The following SART3 variants were observed in gnomAD, a reference collection of about 807,000 sequenced individuals.
SART3 encodes spliceosome associated factor 3, U4/U6 recycling protein.
Under a neutral mutation model 122.3 loss-of-function variants are expected in SART3, and 44 were observed. The observed-to-expected ratio is 0.36, with a 90% CI of 0.28 to 0.46. SART3 has a LOEUF of 0.46. Among genes scored for constraint, SART3 ranks in the 20% least tolerant of loss-of-function variants. SART3 has a pLI of 1.00. For missense variants in SART3, 1,101 were observed against 1,229.0 expected, an observed-to-expected ratio of 0.90 and a Z score of 1.56; for synonymous variants, 442 against 454.0, an observed-to-expected ratio of 0.97 and a Z score of 0.34.
chr12:108,545,794 C>T (rs1184695950), intron 3 of SART3, among the ~76,000 whole-genome samples: 4 of 151,974 alleles, frequency 2.6e-5, no homozygotes, highest in Non-Finnish European at 5.9e-5. Flanking sequence ...GGTGAAACCC[C>T]GTCTCTACTA....
At position 108,523,548 on chromosome 12, in the gene SART3, G is replaced by C; in HGVS notation, c.2801C>G (p.Pro934Arg). 6.2e-7 allele frequency: 1 copy of C among 1,614,050 alleles called. No homozygotes were observed. Among genetic ancestry groups the C allele is most frequent in the Non-Finnish European group, 8.5e-7 (1 of 1,180,018 alleles). ...SAAAPQAENG[P>R]AAAPAVAAPA... is the part of the protein sequence containing the mutation. ...GGCGGCAACTGCAGGAGCCGCGGCA[G>C]GGCCGTTCTCAGCCTGAGGAGCTGC... The change falls in exon 19 of 19, where the codon CCT (proline) becomes CGT (arginine). Residue 934 changes from proline to arginine, a missense_variant. This residue lies in a region of SART3 where 885 missense variants were observed against 1,080.1 expected (regional missense o/e 0.82). Transcript: ENST00000546815.
chr12:108,534,197 T>C (rs1872800942), intron 12 of SART3, among the ~76,000 whole-genome samples: 1 of 152,162 alleles, frequency 6.6e-6, no homozygotes, highest in African/African-American at 2.4e-5. Flanking sequence ...TAAATTAAAA[T>C]GTTTTTTAGA....
At position 108,545,244 on chromosome 12, in the gene SART3, G is replaced by A. The variant is rs549764051; in HGVS notation, c.624C>T (p.Ser208=). ...GQKGGLEKVR[S]VFERALSSVG... ...CAGACGAGAGAGCCCTTTCAAACAC[G>A]GAGCGAACTTTCTCAAGGCCACCTT... Residue 208 remains serine, a synonymous_variant, in exon 4 of 19, where the codon TCC becomes TCT. Transcript: ENST00000546815. 42 of 1,614,062 alleles carry A rather than the reference G, an allele frequency of 2.6e-5. No homozygotes were observed. The highest frequency in any genetic ancestry group is 1.5e-4 in the Admixed American group (9 of 60,006).
intron 1 of SART3, chr12:108,553,947 A>T (rs1454515303): frequency 6.6e-6 from 1 of 152,170 alleles, no homozygotes; most frequent in East Asian, 1.9e-4. Context: ...CTCTCCAGCT[A>T]CATCTCAAAC....
chr12:108,555,711 A>G (rs2030192261), intron 1 of SART3, among the ~76,000 whole-genome samples: 1 of 152,176 alleles, frequency 6.6e-6, no homozygotes, highest in Non-Finnish European at 1.5e-5. Context: ...AGTTATATGC[A>G]TGTTCTGGGT....
intron 13 of SART3, 141 bp from the exon 14 acceptor site, chr12:108,531,421 A>G (rs1872673121): frequency 1.4e-6 from 1 of 690,338 alleles, no homozygotes; most frequent in Non-Finnish European, 2.6e-6. Context: ...GTAGGCTTGA[A>G]GTTCAGAATT....
Position 108,548,951 on chromosome 12 carries a change from ACT to A in SART3, c.439+135_439+136del, listed in dbSNP as rs1456313647. 19 of 1,306,950 alleles carry A rather than the reference ACT, an allele frequency of 1.5e-5. No homozygotes were observed. In the East Asian group the frequency reaches 4.4e-4, roughly 31 times the overall value. 81.0% of individuals were successfully genotyped at this position (1,306,950 alleles called of 1,614,324 possible). Reference sequence around the variant, plus strand: ...AACTACAATAAACTAAAAATAGCTAACTCTGATGCGTTTTCTTCTTTCCACTA... The same window carrying A: ...AACTACAATAAACTAAAAATAGCTAACTGATGCGTTTTCTTCTTTCCACTA... On this transcript the variant is annotated intron_variant, in intron 2 of 18. Transcript: ENST00000546815.
chr12:108,536,381 A>G (rs1472661928), intron 11 of SART3, 133 bp downstream of exon 11: 7 of 870,246 alleles, frequency 8.0e-6, no homozygotes, highest in Non-Finnish European at 1.4e-5. Context: ...CTAGACCATT[A>G]CCTAGGTAAT....
Position 108,545,391 on chromosome 12 carries a change from A to C in SART3, c.545-68T>G, listed in dbSNP as rs990555864. ...CCAAATATCAAAACTGATGCATAAC[A>C]AACGAAATGTGCCTACCAAAAAAGT... is the stretch of plus-strand genomic sequence containing the variant. On this transcript the variant is annotated intron_variant, in intron 3 of 18. Coordinates refer to ENST00000546815, the MANE Select transcript of SART3 (RefSeq NM_014706.4). 8.6e-6 allele frequency: 13 copies of C among 1,505,862 alleles called. No individual in the cohort carries two copies. The Admixed American group carries it at 1.7e-4, about 20-fold the overall frequency. The allele number at this position is 1,505,862 out of a possible 1,614,324, so 93.3% of individuals were successfully genotyped here.
chr12:108,535,393 C>A lies in SART3; in HGVS notation c.1522G>T (p.Ala508Ser), dbSNP rs1355936115. 1 of 1,613,996 alleles carries A rather than the reference C, an allele frequency of 6.2e-7. No individual in the cohort carries two copies. Among genetic ancestry groups the A allele is most frequent in the South Asian group, 1.1e-5 (1 of 91,078 alleles). The change falls in exon 12 of 19, where the codon GCC becomes TCC. Residue 508 changes from alanine to serine, a missense_variant. This residue lies in a region of SART3 where 885 missense variants were observed against 1,080.1 expected (regional missense o/e 0.82). Transcript: ENST00000546815. ...TTGTAATACTCTAGCCACATGTTGG[C>A]GTACTTGGCATTTCCTCTGGTCATG... is the stretch of plus-strand genomic sequence containing the variant. ...SIMTRGNAKY[A>S]NMWLEYYNLE...
intron 1 of SART3, among the ~76,000 whole-genome samples, chr12:108,553,847 T>C (rs1392219980): frequency 2.6e-5 from 4 of 152,220 alleles, no homozygotes; most frequent in African/African-American, 9.6e-5. Flanking sequence ...CTACTAATTA[T>C]AATAGTAAAA....
chr12:108,555,482 G>A lies in SART3; in HGVS notation c.312+5361C>T, dbSNP rs1002145039. ...GAATTCAAGACCAGCCTGGGCAACA[G>A]GGCAAAACCCCGTCTCTACAAAAAC... On this transcript the variant is annotated intron_variant, in intron 1 of 18. Coordinates refer to ENST00000546815, the MANE Select transcript of SART3 (RefSeq NM_014706.4). Among the ~76,000 whole-genome samples the A allele has an allele frequency of 4.9e-4, 75 of 152,116 alleles. 1 individual carries two copies. The highest frequency in any genetic ancestry group is 3.8e-3 in the Admixed American group (58 of 15,270).
intron 1 of SART3, among the ~76,000 whole-genome samples, chr12:108,556,816 C>G (rs1260676981): frequency 6.6e-6 from 1 of 152,236 alleles, no homozygotes; most frequent in Non-Finnish European, 1.5e-5. Flanking sequence ...ACATTCAAGG[C>G]TCTCCCCACC....
At chr12:108,525,775 C>A in intron 16 of SART3, 166 bp from the exon 17 acceptor site, 1 of 696,490 alleles carries the variant, frequency 1.4e-6, no homozygotes, top group Admixed American at 2.2e-5. Flanking sequence ...AGTCACTTAA[C>A]CTCTCCAGGC....
At chr12:108,534,594 T>G (rs1872824773) in intron 12 of SART3, among the ~76,000 whole-genome samples, 1 of 151,746 alleles carries the variant, frequency 6.6e-6, no homozygotes, top group South Asian at 2.1e-4. Flanking sequence ...GCAGAAGAAT[T>G]GCTCGAACCC....
intron 1 of SART3, among the ~76,000 whole-genome samples, chr12:108,549,794 T>C (rs755525312): frequency 1.3e-5 from 2 of 152,006 alleles, no homozygotes; most frequent in South Asian, 2.1e-4. Flanking sequence ...GGCAGGTGGA[T>C]TGCTTGAGCT....
chr12:108,541,339 C>CG (rs1357030499), intron 6 of SART3, among the ~76,000 whole-genome samples: 1 of 151,378 alleles, frequency 6.6e-6, no homozygotes. Context: ...CCTGGCGGGG[C>CG]GGAAGTTGCA....
rs1013121437 is a variant in SART3 at position 108,544,843 on chromosome 12, G to C, written c.729+296C>G. 1.4e-5 allele frequency: 8 copies of C among 570,100 alleles called. No homozygotes were observed. The East Asian group carries it at 2.4e-4, about 17-fold the overall frequency. 35.3% of individuals were successfully genotyped at this position (570,100 alleles called of 1,614,324 possible). A position where few individuals can be genotyped will look rare whatever the true frequency, so the allele number is the denominator to read the frequency against. ...GCCTCCCAAACTGCTGGAATTACAA[G>C]CATGAGCCACCGCACTTGGCCAACT... On this transcript the variant is annotated intron_variant, in intron 4 of 18. Transcript: ENST00000546815.
At chr12:108,532,592 C>T (rs565831748) in intron 12 of SART3, 63 of 430,408 alleles carry the variant, frequency 1.5e-4, no homozygotes, top group South Asian at 1.2e-3. Context: ...TGATCTGCAA[C>T]CAGCATTCTG....
Sources: gnomAD v4.1 joint callset for allele counts (sites outside exome capture counted in the v4.1 genomes callset) on GRCh38, gnomAD v4.1.1 for gene constraint, gnomAD v4.1.1 regional missense constraint, MANE v1.5 for transcripts, NCBI Gene and HGNC (gene_info 2026-07-23, HGNC 2026-07-21) for gene names.